BMPR1B: variants seen among roughly 807,000 people sequenced by gnomAD.
BMPR1B encodes the protein bone morphogenetic protein receptor type-1B.
Under a neutral mutation model 59.1 loss-of-function variants are expected in BMPR1B, and 12 were observed. The observed-to-expected ratio is 0.20, with a 90% CI of 0.13 to 0.33. BMPR1B has a LOEUF of 0.33. Among genes scored for constraint, BMPR1B ranks in the 10% least tolerant of loss-of-function variants. BMPR1B has a pLI of 1.00. For synonymous variants in BMPR1B, 237 were observed against 207.3 expected (o/e 1.14, Z -1.23); for missense variants, 550 against 610.9 (o/e 0.90, Z 1.05).
Position 94,819,087 on chromosome 4 carries a change from G to A in BMPR1B, c.-182-56744G>A, listed in dbSNP as rs184191611. Among the ~76,000 whole-genome samples the A allele has an allele frequency of 3.7e-4, 57 of 152,230 alleles. 1 individual carries two copies. In the East Asian group the frequency reaches 6.2e-3, roughly 17 times the overall value. ...GGAAATCAAGGCTGCAGTGAGCCACGTTTGTGCTACTGCACTCCAGCCAGG... is the reference window on the plus strand; with the variant it reads ...GGAAATCAAGGCTGCAGTGAGCCACATTTGTGCTACTGCACTCCAGCCAGG... On this transcript the variant is annotated intron_variant, in intron 1 of 12. Coordinates refer to ENST00000515059, the MANE Select transcript of BMPR1B (RefSeq NM_001203.3).
At chr4:95,090,052 A>G (rs958643674) in intron 3 of BMPR1B, among the ~76,000 whole-genome samples, 1 of 152,076 alleles carries the variant, frequency 6.6e-6, no homozygotes, top group African/African-American at 2.4e-5. Flanking sequence ...ATTCTAACCC[A>G]GGTGTTTGAA....
intron 1 of BMPR1B, among the ~76,000 whole-genome samples, chr4:94,842,084 AC>A (rs1725109656): frequency 6.6e-6 from 1 of 152,056 alleles, no homozygotes; most frequent in Non-Finnish European, 1.5e-5. Flanking sequence ...GTGCACACAC[AC>A]CCCAGGGTGC....
chr4:94,864,429 G>A (rs1445372168), intron 1 of BMPR1B, among the ~76,000 whole-genome samples: 9 of 152,156 alleles, frequency 5.9e-5, no homozygotes, highest in Non-Finnish European at 1.2e-4. Context: ...AGGGAAAGGC[G>A]GAGGTGTAGA....
intron 3 of BMPR1B, among the ~76,000 whole-genome samples, chr4:95,029,731 A>G (rs1050228181): frequency 1.7e-4 from 26 of 152,280 alleles, no homozygotes; most frequent in Non-Finnish European, 3.7e-4. Flanking sequence ...AGTCCCACCA[A>G]CAGTGTAAAA....
intron 3 of BMPR1B, among the ~76,000 whole-genome samples, chr4:95,025,322 G>A (rs1560602364): frequency 2.0e-5 from 3 of 152,160 alleles, no homozygotes; most frequent in South Asian, 4.1e-4. Context: ...GAAGTCATGT[G>A]TGTTTTCAAC....
At chr4:94,881,497 A>C (rs1726971498) in intron 2 of BMPR1B, among the ~76,000 whole-genome samples, 1 of 148,730 alleles carries the variant, frequency 6.7e-6, no homozygotes, top group Admixed American at 6.7e-5. Flanking sequence ...TTTGCAATCC[A>C]CTCTGTCACC....
rs145568377 is a variant in BMPR1B, at chr4:95,058,651, A to G, written c.-17-45757A>G. 5.5e-3 allele frequency among the ~76,000 whole-genome samples: 843 copies of G among 152,288 alleles called. 8 individuals carry two copies. The highest frequency in any genetic ancestry group is 0.019 in the African/African-American group (795 of 41,562). ...CACGGAGCTTCAGAAAATCCAAGCC[A>G]AGGTTTGTTTTGGAAACGCCACATG... On this transcript the variant is annotated intron_variant, in intron 3 of 12. Coordinates refer to ENST00000515059, the MANE Select transcript of BMPR1B (RefSeq NM_001203.3).
intron 3 of BMPR1B, among the ~76,000 whole-genome samples, chr4:95,074,283 A>G (rs1728539305): frequency 1.3e-5 from 2 of 151,960 alleles, no homozygotes; most frequent in Admixed American, 6.6e-5. Flanking sequence ...ATACAATACT[A>G]CTCTTTCCAC....
intron 2 of BMPR1B, among the ~76,000 whole-genome samples, chr4:94,893,960 C>T (rs933456657): frequency 1.3e-5 from 2 of 151,938 alleles, no homozygotes; most frequent in Non-Finnish European, 2.9e-5. Flanking sequence ...AGAAACTTGT[C>T]ATGTTAATGT....
At chr4:94,912,626 G>A (rs529677543) in intron 2 of BMPR1B, among the ~76,000 whole-genome samples, 1 of 152,070 alleles carries the variant, frequency 6.6e-6, no homozygotes, top group Admixed American at 6.6e-5. Context: ...TGGTCTTTCC[G>A]AACAACAGTT....
rs1553923775 is a variant in BMPR1B at position 94,981,003 on chromosome 4, A to ATGCGCGCGTACGCGCG, written c.-112-15037_-112-15036insTGCGCGCGTACGCGCG. ...GAGCAAGACTCCATCACACACACAC[A>ATGCGCGCGTACGCGCG]CACACACACACACACACACAAAAAG... On this transcript the variant is annotated intron_variant, in intron 2 of 12. Coordinates refer to ENST00000515059, the MANE Select transcript of BMPR1B (RefSeq NM_001203.3). Among the ~76,000 whole-genome samples, 18 of 90,796 alleles carry ATGCGCGCGTACGCGCG rather than the reference A, an allele frequency of 2.0e-4. No individual in the cohort carries two copies. In the Admixed American group the frequency reaches 2.4e-3, roughly 12 times the overall value. The allele number at this position is 90,796 out of a possible 152,430, so 59.6% of individuals were successfully genotyped here.
intron 2 of BMPR1B, among the ~76,000 whole-genome samples, chr4:94,904,734 CTT>C (rs765141035): frequency 1.4e-4 from 22 of 151,944 alleles, no homozygotes; most frequent in Non-Finnish European, 2.4e-4. Flanking sequence ...TTGTAAAAAA[CTT>C]ATATATGAAA....
rs1199357514 is a variant in BMPR1B, at chr4:95,083,315, A to G, written c.-17-21093A>G. On this transcript the variant is annotated intron_variant, in intron 3 of 12. Coordinates refer to ENST00000515059, the MANE Select transcript of BMPR1B (RefSeq NM_001203.3). ...TATCTGTTCCACAAAGATGCCAATG[A>G]TAACAAAAACAGATTATAAAGACAC... Among the ~76,000 whole-genome samples, 5 of 152,172 alleles carry G rather than the reference A, an allele frequency of 3.3e-5. No homozygotes were observed. The South Asian group carries it at 8.3e-4, about 25-fold the overall frequency.
At chr4:94,941,284 TAG>T (rs1729500475) in intron 2 of BMPR1B, among the ~76,000 whole-genome samples, 1 of 86,066 alleles carries the variant, frequency 1.2e-5, no homozygotes, top group Non-Finnish European at 2.7e-5. Flanking sequence ...ACAAAAAAAT[TAG>T]TGGGGCATGG....
chr4:95,023,214 C>G (rs981127692), intron 3 of BMPR1B, among the ~76,000 whole-genome samples: 1 of 152,174 alleles, frequency 6.6e-6, no homozygotes, highest in African/African-American at 2.4e-5. Flanking sequence ...CCTCTTTCCT[C>G]AGAGATCGTT....
intron 2 of BMPR1B, among the ~76,000 whole-genome samples, chr4:94,994,081 A>G (rs894677606): frequency 3.9e-5 from 6 of 152,224 alleles, no homozygotes; most frequent in African/African-American, 1.4e-4. Flanking sequence ...GAAAATTTGT[A>G]TATGTCAATT....
rs1029379637 is a variant in BMPR1B, at chr4:95,147,963, G to T, written c.1077-785G>T. ...CGTCATTACTCTTTTCCCAGTCTAT[G>T]GGAAGGAATAGTAAATGGGCCTGTT... is the stretch of plus-strand genomic sequence containing the variant. On this transcript the variant is annotated intron_variant, in intron 10 of 12. Transcript: ENST00000515059. 2.0e-5 allele frequency among the ~76,000 whole-genome samples: 3 copies of T among 152,210 alleles called. No individual in the cohort carries two copies. The East Asian group carries it at 5.8e-4, about 29-fold the overall frequency.
At chr4:95,123,932 A>C in intron 7 of BMPR1B, 26 bp downstream of exon 7, 1 of 1,508,270 alleles carries the variant, frequency 6.6e-7, no homozygotes, top group Non-Finnish European at 9.2e-7. Flanking sequence ...GTAGATGCAA[A>C]ATTTTTAATT....
At chr4:94,762,450 C>A (rs1462396904) in intron 1 of BMPR1B, among the ~76,000 whole-genome samples, 1 of 152,284 alleles carries the variant, frequency 6.6e-6, no homozygotes, top group East Asian at 1.9e-4. Flanking sequence ...AAAGAGCCAA[C>A]CCCGTGAAGA....
Sources: allele counts gnomAD v4.1 joint callset (sites outside exome capture counted in the v4.1 genomes callset), GRCh38; gene constraint gnomAD v4.1.1; transcripts MANE v1.5; gene names NCBI Gene and HGNC (gene_info 2026-07-23, HGNC 2026-07-21).